Variants in DCC observed in about 807,000 individuals in gnomAD.
DCC encodes the protein DCC netrin 1 receptor.
Under a neutral mutation model 172.5 loss-of-function variants are expected in DCC, and 58 were observed. The ratio of observed to expected loss-of-function variants is 0.34; its 90% confidence interval spans 0.27 to 0.42. DCC has a LOEUF of 0.42. Among genes scored for constraint, DCC ranks in the 10% least tolerant of loss-of-function variants. The pLI is 1.00. For synonymous variants in DCC, 709 were observed against 644.5 expected (o/e 1.10, Z -1.52); for missense variants, 1,740 against 1,791.0 (o/e 0.97, Z 0.51).
intron 1 of DCC, among the ~76,000 whole-genome samples, chr18:52,427,831 C>CCTTCCTTCCTTTCTTCCTTCCTTT: frequency 2.1e-5 from 1 of 47,672 alleles, no homozygotes. Flanking sequence ...TTCCTTCCTT[C>CCTTCCTTCCTTTCTTCCTTCCTTT]CTTTCTTCCT....
At chr18:52,555,622 C>A (rs926975430) in intron 1 of DCC, among the ~76,000 whole-genome samples, 1 of 151,942 alleles carries the variant, frequency 6.6e-6, no homozygotes, top group East Asian at 1.9e-4. Flanking sequence ...TTGATATTGG[C>A]CATTAATAAT....
intron 5 of DCC, among the ~76,000 whole-genome samples, chr18:52,992,205 G>A (rs2041405038): frequency 6.6e-6 from 1 of 152,182 alleles, no homozygotes; most frequent in South Asian, 2.1e-4. Context: ...CGGTTTTGCA[G>A]ATGTCCTTGA....
chr18:52,859,289 C>G lies in DCC; in HGVS notation c.413-46755C>G, dbSNP rs113886511. Among the ~76,000 whole-genome samples the G allele has an allele frequency of 3.8e-3, 576 of 152,148 alleles. 3 individuals are homozygous for G. Among genetic ancestry groups the G allele is most frequent in the African/African-American group, 0.013 (541 of 41,488 alleles). ...TAATGGTGGATTGATCCTGTAGAGGCCAGGGGAAGACTTTCTCTTCACCTT... is the reference window on the plus strand; with the variant it reads ...TAATGGTGGATTGATCCTGTAGAGGGCAGGGGAAGACTTTCTCTTCACCTT... On this transcript the variant is annotated intron_variant, in intron 2 of 28. Coordinates refer to ENST00000442544, the MANE Select transcript of DCC (RefSeq NM_005215.4).
At chr18:53,044,713 T>C (rs932333554) in intron 5 of DCC, among the ~76,000 whole-genome samples, 3 of 151,910 alleles carry the variant, frequency 2.0e-5, no homozygotes, top group African/African-American at 7.2e-5. Flanking sequence ...AAACAACTCC[T>C]TAAGTAACTC....
chr18:53,466,440 T>C (rs1029367563), intron 24 of DCC, among the ~76,000 whole-genome samples: 7 of 152,232 alleles, frequency 4.6e-5, no homozygotes, highest in African/African-American at 1.7e-4. Context: ...GAAAGTATTA[T>C]TTCTCTTTGT....
At chr18:52,492,467 G>A (rs888048880) in intron 1 of DCC, among the ~76,000 whole-genome samples, 2 of 151,898 alleles carry the variant, frequency 1.3e-5, no homozygotes, top group African/African-American at 4.8e-5. Flanking sequence ...TTAAATAGAA[G>A]CAGGGGTGGT....
At chr18:53,252,258 C>T (rs767753926) in intron 12 of DCC, among the ~76,000 whole-genome samples, 8 of 151,732 alleles carry the variant, frequency 5.3e-5, no homozygotes, top group Non-Finnish European at 1.2e-4. Context: ...CATTTACATA[C>T]TGCATAGGAT....
Position 53,525,872 on chromosome 18 carries a change from G to A in DCC, c.4112-745G>A, listed in dbSNP as rs536309643. ...ACTAGCTGATTCAATAAGCCTTTAT[G>A]AAAGTTTTATTTTCAGCTATAAGGT... is the stretch of plus-strand genomic sequence containing the variant. On this transcript the variant is annotated intron_variant, in intron 27 of 28. Coordinates refer to ENST00000442544, the MANE Select transcript of DCC (RefSeq NM_005215.4). Among the ~76,000 whole-genome samples, 8 of 152,168 alleles carry A rather than the reference G, an allele frequency of 5.3e-5. No homozygotes were observed. The East Asian group carries it at 1.5e-3, about 29-fold the overall frequency.
chr18:52,354,430 G>T (rs986865268), intron 1 of DCC, among the ~76,000 whole-genome samples: 1 of 152,180 alleles, frequency 6.6e-6, no homozygotes, highest in African/African-American at 2.4e-5. Flanking sequence ...AGGTTTAGAA[G>T]CAACTTAGAT....
chr18:52,757,530 C>G (rs1434218431), intron 2 of DCC, among the ~76,000 whole-genome samples: 1 of 152,106 alleles, frequency 6.6e-6, no homozygotes, highest in Non-Finnish European at 1.5e-5. Context: ...CACTGACTTG[C>G]CCTGCACACT....
intron 7 of DCC, among the ~76,000 whole-genome samples, chr18:53,092,353 T>C (rs1402667380): frequency 6.6e-6 from 1 of 152,158 alleles, no homozygotes; most frequent in African/African-American, 2.4e-5. Flanking sequence ...CTCTTGTCTT[T>C]CTTTCTATTT....
chr18:52,582,293 C>T (rs1032148529), intron 1 of DCC, among the ~76,000 whole-genome samples: 1 of 152,140 alleles, frequency 6.6e-6, no homozygotes, highest in African/African-American at 2.4e-5. Context: ...TTAGAAAATG[C>T]ACCCCTACCT....
At chr18:52,764,805 TCTG>T (rs2037217750) in intron 2 of DCC, among the ~76,000 whole-genome samples, 1 of 152,214 alleles carries the variant, frequency 6.6e-6, no homozygotes. Flanking sequence ...TTGTGTCTCT[TCTG>T]CTGTCTGTAA....
intron 1 of DCC, among the ~76,000 whole-genome samples, chr18:52,451,133 G>A (rs535590683): frequency 6.6e-6 from 1 of 152,286 alleles, no homozygotes; most frequent in Admixed American, 6.5e-5. Flanking sequence ...AAGGGAATTA[G>A]TGAGCACCAG....
chr18:52,592,727 G>A (rs1367850707), intron 1 of DCC, among the ~76,000 whole-genome samples: 2 of 152,184 alleles, frequency 1.3e-5, no homozygotes, highest in Non-Finnish European at 2.9e-5. Context: ...TCCGCCTCCT[G>A]GATTCAAGCT....
Position 52,535,055 on chromosome 18 carries a change from A to G in DCC, c.91+194177A>G, listed in dbSNP as rs540810091. Among the ~76,000 whole-genome samples, 9 of 152,254 alleles carry G rather than the reference A, an allele frequency of 5.9e-5. No homozygotes were observed. In the South Asian group the frequency reaches 1.7e-3, roughly 28 times the overall value. On this transcript the variant is annotated intron_variant, in intron 1 of 28. Transcript: ENST00000442544. Reference sequence around the variant, plus strand: ...ATTTATCTCCAGCAGCAATATGCATAAGTTGTCTTTGAAAAGGTGGGACAT... The same window carrying G: ...ATTTATCTCCAGCAGCAATATGCATGAGTTGTCTTTGAAAAGGTGGGACAT...
chr18:52,933,579 A>G (rs961566482), intron 5 of DCC, among the ~76,000 whole-genome samples: 2 of 151,966 alleles, frequency 1.3e-5, no homozygotes, highest in African/African-American at 4.8e-5. Context: ...TGGATGGGAG[A>G]ATCCATATAG....
At chr18:52,947,725 C>T (rs1254367324) in intron 5 of DCC, among the ~76,000 whole-genome samples, 7 of 152,172 alleles carry the variant, frequency 4.6e-5, no homozygotes, top group African/African-American at 1.7e-4. Context: ...CCGTTCCATG[C>T]CATGCATGCT....
chr18:52,739,335 A>C (rs182115320), intron 1 of DCC, among the ~76,000 whole-genome samples: 1 of 152,228 alleles, frequency 6.6e-6, no homozygotes, highest in African/African-American at 2.4e-5. Context: ...TTTCCAAATT[A>C]TTCGTTTTTG....
Sources: gnomAD v4.1 joint callset for allele counts (sites outside exome capture counted in the v4.1 genomes callset) on GRCh38, gnomAD v4.1.1 for gene constraint, MANE v1.5 for transcripts, NCBI Gene and HGNC (gene_info 2026-07-23, HGNC 2026-07-21) for gene names.